Variants in MAPK6 observed in about 807,000 individuals in gnomAD.
MAPK6 encodes mitogen-activated protein kinase 6.
A neutral mutation model predicts 59.3 loss-of-function variants in MAPK6; 19 were observed. The ratio of observed to expected loss-of-function variants is 0.32; its 90% CI spans 0.22 to 0.47. The LOEUF (loss-of-function observed/expected upper bound fraction) is 0.47, where lower values mean the gene tolerates loss of function less well. Among genes scored for constraint, MAPK6 ranks in the 20% least tolerant of loss-of-function variants. MAPK6 has a pLI of 1.00. For missense variants in MAPK6, 724 were observed against 847.9 expected (o/e 0.85, Z 1.81); for synonymous variants, 316 against 290.3 (o/e 1.09, Z -0.90).
At position 52,064,661 on chromosome 15, in the gene MAPK6, G is replaced by A. The variant is rs1251022562; in HGVS notation, c.1827G>A (p.Gln609=). The A allele has an allele frequency of 6.2e-7, 1 of 1,611,796 alleles. No individual in the cohort carries two copies. The highest frequency in any genetic ancestry group is 1.7e-5 in the Admixed American group (1 of 59,980). ...GGGAGGACTGTTTTTTCATAAATCA[G>A]TTTTGTGAGGTAAGGAAGGATGAAC... ...SGGEDCFFIN[Q]FCEVRKDEQV... Residue 609 remains glutamine, a synonymous_variant, in exon 6 of 6, where the codon CAG becomes CAA. Transcript: ENST00000261845.
intron 1 of MAPK6, chr15:52,019,791 C>T (rs1417433478): frequency 1.3e-5 from 2 of 152,170 alleles, no homozygotes; most frequent in Non-Finnish European, 2.9e-5. Context: ...CCAGCCGGAC[C>T]GGACCGGAGG....
rs2032437642 is a variant in MAPK6 at position 52,066,849 on chromosome 15, CAT to C, written c.*1851_*1852del. The C allele has an allele frequency of 6.6e-6, 1 of 151,258 alleles. No homozygotes were observed. Among genetic ancestry groups the C allele is most frequent in the Non-Finnish European group, 1.5e-5 (1 of 67,892 alleles). 9.4% of individuals were successfully genotyped at this position (151,258 alleles called of 1,614,324 possible). On this transcript the variant is annotated 3_prime_UTR_variant, in exon 6 of 6. Coordinates refer to ENST00000261845, the MANE Select transcript of MAPK6 (RefSeq NM_002748.4). ...AATACTGTCACGTTATTAATTTAAA[CAT>C]ACTCAAATTACCTTAAGAGGACAAG...
chr15:51,987,711 T>C (rs1363846857), intron 2 of MAPK6, among the ~76,000 whole-genome samples: 3 of 152,054 alleles, frequency 2.0e-5, no homozygotes, highest in Non-Finnish European at 4.4e-5. Flanking sequence ...TTACTGCTCT[T>C]TTTGACTTTG....
At chr15:52,063,311 CCTTGGCCTT>C (rs1391387677) in intron 5 of MAPK6, among the ~76,000 whole-genome samples, 1 of 152,222 alleles carries the variant, frequency 6.6e-6, no homozygotes, top group Non-Finnish European at 1.5e-5. Flanking sequence ...GATCCATCCA[CCTTGGCCTT>C]CTTGAAGTGC....
At chr15:52,049,036 C>G (rs975630902) in intron 2 of MAPK6, among the ~76,000 whole-genome samples, 4 of 152,188 alleles carry the variant, frequency 2.6e-5, no homozygotes, top group African/African-American at 9.6e-5. Flanking sequence ...CTCACTCTCT[C>G]AGTCATCACA....
chr15:52,041,556 A>G (rs1017978114), intron 1 of MAPK6, among the ~76,000 whole-genome samples: 1 of 152,208 alleles, frequency 6.6e-6, no homozygotes, highest in South Asian at 2.1e-4. Context: ...AATTAATAGT[A>G]CACTGATGTG....
chr15:52,013,064 A>C (rs2030137915), intron 3 of MAPK6, among the ~76,000 whole-genome samples: 1 of 91,202 alleles, frequency 1.1e-5, no homozygotes, highest in African/African-American at 3.8e-5. Flanking sequence ...TATATATTAC[A>C]CAAGACTAAA....
chr15:52,025,636 A>T (rs1165789442), intron 1 of MAPK6, among the ~76,000 whole-genome samples: 1 of 152,128 alleles, frequency 6.6e-6, no homozygotes, highest in African/African-American at 2.4e-5. Flanking sequence ...CCCTGTCTCT[A>T]CTAAAAATAC....
intron 1 of MAPK6, among the ~76,000 whole-genome samples, chr15:52,042,207 C>T (rs550190382): frequency 6.6e-6 from 1 of 152,228 alleles, no homozygotes; most frequent in Non-Finnish European, 1.5e-5. Context: ...AAGACTACTA[C>T]TCACAGAGCA....
At chr15:52,012,304 A>G (rs1000629582) in intron 3 of MAPK6, among the ~76,000 whole-genome samples, 6 of 152,186 alleles carry the variant, frequency 3.9e-5, no homozygotes, top group African/African-American at 1.4e-4. Context: ...TATGTGTGGT[A>G]GCTTTTGTAA....
chr15:51,994,573 G>T (rs2057219493), intron 2 of MAPK6, among the ~76,000 whole-genome samples: 1 of 152,170 alleles, frequency 6.6e-6, no homozygotes, highest in African/African-American at 2.4e-5. Context: ...AAAACTGGAA[G>T]TTTGATGAGG....
intron 2 of MAPK6, among the ~76,000 whole-genome samples, chr15:52,003,277 G>A (rs1209395492): frequency 3.3e-5 from 5 of 152,016 alleles, no homozygotes; most frequent in East Asian, 1.9e-4. Context: ...GGGGAAACCC[G>A]CCTCCATCAT....
intron 2 of MAPK6, among the ~76,000 whole-genome samples, chr15:51,992,306 T>TATATA (rs369567502): frequency 1.5e-3 from 26 of 17,382 alleles, no homozygotes; most frequent in South Asian, 2.7e-3. Context: ...TATATATATA[T>TATATA]TTTTTTTTTT....
At chr15:52,055,838 T>A (rs1030005693) in intron 3 of MAPK6, among the ~76,000 whole-genome samples, 7 of 152,222 alleles carry the variant, frequency 4.6e-5, no homozygotes, top group African/African-American at 1.2e-4. Flanking sequence ...TTTAAATGTT[T>A]GTTTTTAAAT....
intron 1 of MAPK6, among the ~76,000 whole-genome samples, chr15:51,974,909 G>A (rs530766560): frequency 6.6e-5 from 10 of 150,882 alleles, no homozygotes; most frequent in African/African-American, 2.4e-4. Context: ...GTAAAGACAG[G>A]GTTTCACCAT....
Position 52,064,533 on chromosome 15 carries a change from T to A in MAPK6, c.1699T>A (p.Ser567Thr). 6.2e-7 allele frequency: 1 copy of A among 1,610,912 alleles called. No homozygotes were observed. The highest frequency in any genetic ancestry group is 1.1e-5 in the South Asian group (1 of 90,718). Residue 567 changes from serine to threonine, a missense_variant, in exon 6 of 6, where the codon TCA becomes ACA. Ser to Thr is a moderately conservative substitution (Grantham distance 58, BLOSUM62 1). Around this residue, in one of 4 missense-constraint regions of MAPK6, gnomAD observed 502 missense variants for 507.6 expected, o/e 0.99. Transcript: ENST00000261845. ...VSQLELKSLI[S>T]KSVSQEKQEK... is the part of the protein sequence containing the mutation. ...CCAACTAGAATTGAAAAGTTTGATA[T>A]CAAAGTCAGTAAGCCAAGAAAAACA... is the stretch of plus-strand genomic sequence containing the variant.
Position 52,058,668 on chromosome 15 carries a change from G to C in MAPK6, c.736G>C (p.Glu246Gln). ...ACTTGAACAGATGCAGCTGATTTTA[G>C]AATCTATTCCTGTTGTACATGAGGA... is the stretch of plus-strand genomic sequence containing the variant. ...HELEQMQLILESIPVVHEEDR... is the reference protein window; with the variant it reads ...HELEQMQLILQSIPVVHEEDR... The change falls in exon 4 of 6, where the codon GAA (glutamate) becomes CAA (glutamine). Residue 246 changes from glutamate (E) to glutamine (Q), a missense_variant. Physicochemically the swap from Glu to Gln is conservative, Grantham distance 29. Coordinates refer to ENST00000261845, the MANE Select transcript of MAPK6 (RefSeq NM_002748.4). 9 of 1,611,230 alleles carry C rather than the reference G, an allele frequency of 5.6e-6. No homozygotes were observed. The highest frequency in any genetic ancestry group is 7.6e-6 in the Non-Finnish European group (9 of 1,178,566).
chr15:52,000,856 T>C (rs2057239936), intron 2 of MAPK6, among the ~76,000 whole-genome samples: 1 of 152,062 alleles, frequency 6.6e-6, no homozygotes, highest in South Asian at 2.1e-4. Flanking sequence ...GTTATATGGA[T>C]GAATTGTATA....
In MAPK6 at chr15:51,972,084, C is replaced by T. The variant is rs370114966; in HGVS notation, c.-880+178C>T. ...AACCTATCGCGAGTCAGGATTGAAG[C>T]CCTTTGTTTCTTACTGAGCAGCTGT... is the stretch of plus-strand genomic sequence containing the variant. On this transcript the variant is annotated intron_variant, in intron 1 of 7. Transcript: ENST00000691380. 7.2e-5 allele frequency among the ~76,000 whole-genome samples: 11 copies of T among 152,056 alleles called. No homozygotes were observed. The East Asian group carries it at 1.6e-3, about 21-fold the overall frequency.
Sources: allele counts gnomAD v4.1 joint callset (sites outside exome capture counted in the v4.1 genomes callset), GRCh38; gene constraint gnomAD v4.1.1; regional missense constraint gnomAD v4.1.1; transcripts MANE v1.5; gene names NCBI Gene and HGNC (gene_info 2026-07-23, HGNC 2026-07-21).